Variants in FLT4 observed in about 807,000 individuals in gnomAD.
FLT4 encodes fms related receptor tyrosine kinase 4.
Under a neutral mutation model 163.2 loss-of-function variants are expected in FLT4, and 30 were observed. The observed-to-expected ratio is 0.18, with a 90% CI of 0.14 to 0.25. The LOEUF (loss-of-function observed/expected upper bound fraction) is 0.25, where lower values mean the gene tolerates loss of function less well. FLT4 is among the 10% of genes least tolerant of loss of function. The pLI is 1.00. For synonymous variants in FLT4, 884 were observed against 789.5 expected (o/e 1.12, Z -2.01); for missense variants, 1,510 against 1,863.8 (o/e 0.81, Z 3.50).
chr5:180,631,812 G>T (rs1382644137), intron 1 of FLT4, 34 bp from the exon 2 acceptor site: 2 of 1,479,006 alleles, frequency 1.4e-6, no homozygotes, highest in Non-Finnish European at 1.9e-6. Context: ...GTGGTGCTGG[G>T]CTGTGACTTG....
intron 1 of FLT4, among the ~76,000 whole-genome samples, chr5:180,641,941 G>C (rs1450203620): frequency 6.6e-6 from 1 of 152,324 alleles, no homozygotes; most frequent in African/African-American, 2.4e-5. Flanking sequence ...GGGCACAGTG[G>C]CTCACGCCTG....
At position 180,636,276 on chromosome 5, in the gene FLT4, C is replaced by T. The variant is rs995686424; in HGVS notation, c.59-4498G>A. Among the ~76,000 whole-genome samples, 9 of 152,092 alleles carry T rather than the reference C, an allele frequency of 5.9e-5. No homozygotes were observed. In the South Asian group the frequency reaches 1.2e-3, roughly 21 times the overall value. On this transcript the variant is annotated intron_variant, in intron 1 of 29. Coordinates refer to ENST00000261937, the MANE Select transcript of FLT4 (RefSeq NM_182925.5). The surrounding 1 kb of genome is among the most constrained non-coding windows in gnomAD (Gnocchi z 4.3). ...AACCTTCCACTGTGCCCTGTGTGATCGGCAAACTTTGCTGTAGACCTCACT... is the reference window on the plus strand; with the variant it reads ...AACCTTCCACTGTGCCCTGTGTGATTGGCAAACTTTGCTGTAGACCTCACT...
chr5:180,627,344 G>A (rs557438375), intron 8 of FLT4, among the ~76,000 whole-genome samples: 26 of 152,306 alleles, frequency 1.7e-4, no homozygotes, highest in Admixed American at 9.8e-4. Flanking sequence ...AGTGAGGCAG[G>A]GCAGGGCAGG....
rs1561693357 is a variant in FLT4, at chr5:180,610,114, C to G, written c.3687-89G>C. On this transcript the variant is annotated intron_variant, in intron 27 of 29. Coordinates refer to ENST00000261937, the MANE Select transcript of FLT4 (RefSeq NM_182925.5). ...CACTGTCCCTGTGCCCCCTCTTCTC[C>G]TGGAAAGGACCCCCCGCCTGGGGCA... 1.9e-6 allele frequency: 3 copies of G among 1,589,378 alleles called. No homozygotes were observed. The East Asian group carries it at 6.7e-5, about 36-fold the overall frequency.
At chr5:180,629,601 G>A (rs1256346081) in intron 6 of FLT4, 95 bp downstream of exon 6, 8 of 1,506,198 alleles carry the variant, frequency 5.3e-6, no homozygotes, top group African/African-American at 1.4e-5. Flanking sequence ...GGGCAGGCCT[G>A]GGCCCACACA....
chr5:180,629,604 C>T (rs1051216979), intron 6 of FLT4, 92 bp downstream of exon 6: 29 of 1,509,836 alleles, frequency 1.9e-5, no homozygotes, highest in African/African-American at 2.7e-5. Flanking sequence ...CAGGCCTGGG[C>T]CCACACATCC....
chr5:180,603,206 C>T lies in FLT4; in HGVS notation c.4078G>A (p.Asp1360Asn). 1 of 1,613,998 alleles carries T rather than the reference C, an allele frequency of 6.2e-7. No homozygotes were observed. Among genetic ancestry groups the T allele is most frequent in the Non-Finnish European group, 8.5e-7 (1 of 1,180,044 alleles). The change falls in exon 30 of 30, where the codon GAC becomes AAC. Residue 1360 changes from aspartate (D) to asparagine (N), a missense_variant. Coordinates refer to ENST00000261937, the MANE Select transcript of FLT4 (RefSeq NM_182925.5). ...SPSARVTFFT[D>N]NSY ...TCCGATGCTGCTTAGTAGCTGTTGT[C>T]TGTGAAGAAAGTCACGCGGGCAGAC...
intron 7 of FLT4, 41 bp from the exon 8 acceptor site, chr5:180,629,040 C>T (rs369856864): frequency 6.8e-5 from 105 of 1,544,328 alleles, no homozygotes; most frequent in Non-Finnish European, 6.3e-5. Flanking sequence ...AGGACTGACC[C>T]GTCGTGGACT....
chr5:180,637,679 T>A (rs1764792265), intron 1 of FLT4, among the ~76,000 whole-genome samples: 1 of 152,138 alleles, frequency 6.6e-6, no homozygotes, highest in South Asian at 2.1e-4. Context: ...ATTACAGGCA[T>A]GCGCCATCAC....
At chr5:180,610,853 C>T (rs528539137) in intron 27 of FLT4, among the ~76,000 whole-genome samples, 110 of 152,264 alleles carry the variant, frequency 7.2e-4, no homozygotes, top group African/African-American at 2.4e-3. Flanking sequence ...GTCAGGAGAT[C>T]GAGACCATCC....
At chr5:180,615,232 C>T (rs1325214849) in intron 23 of FLT4, among the ~76,000 whole-genome samples, 3 of 102,002 alleles carry the variant, frequency 2.9e-5, no homozygotes, top group Non-Finnish European at 6.4e-5. Flanking sequence ...TTTTGGAGCA[C>T]TGGGCCCCGC....
rs1277865618 is a variant in FLT4, at chr5:180,611,388, G to A, written c.3629C>T (p.Ala1210Val). 2 of 1,613,974 alleles carry A rather than the reference G, an allele frequency of 1.2e-6. No homozygotes were observed. Among genetic ancestry groups the A allele is most frequent in the Non-Finnish European group, 1.7e-6 (2 of 1,180,014 alleles). The stretch of plus-strand genomic sequence containing the variant: ...CGGGCTGTCCTCAGCGTCAGCCTGG[G>A]CGATGTGTAGGGCCATGGTGGACAC... ...SQVSTMALHI[A>V]QADAEDSPPS... The change falls in exon 27 of 30, where the codon GCC (alanine) becomes GTC (valine). Residue 1210 changes from alanine to valine, a missense_variant. Physicochemically the swap from Ala to Val is moderately conservative, Grantham distance 64. Coordinates refer to ENST00000261937, the MANE Select transcript of FLT4 (RefSeq NM_182925.5).
Position 180,603,265 on chromosome 5 carries a change from A to G in FLT4, c.4019T>C (p.Leu1340Pro), listed in dbSNP as rs1761606588. 6.2e-7 allele frequency: 1 copy of G among 1,614,042 alleles called. No homozygotes were observed. The highest frequency in any genetic ancestry group is 1.7e-5 in the Admixed American group (1 of 60,016). The change falls in exon 30 of 30, where the codon CTG becomes CCG. Residue 1340 changes from leucine (L) to proline (P), a missense_variant. Physicochemically the swap from Leu to Pro is moderately conservative, Grantham distance 98. Around this residue, in one of 5 missense-constraint regions of FLT4, gnomAD observed 295 missense variants for 311.0 expected, o/e 0.95. Coordinates refer to ENST00000261937, the MANE Select transcript of FLT4 (RefSeq NM_182925.5). ...GTGGTCCTCCTCGCTTGGCTCCGAC[A>G]GCTCCCCATACTCGCTGTTGTAAAA... ...QVFYNSEYGE[L>P]SEPSEEDHCS...
intron 1 of FLT4, among the ~76,000 whole-genome samples, chr5:180,637,404 C>T (rs1006204935): frequency 6.6e-6 from 1 of 152,128 alleles, no homozygotes; most frequent in Non-Finnish European, 1.5e-5. Context: ...CACTGCCAGC[C>T]AGGGCCTCAG....
chr5:180,609,291 A>C (rs1761993841), intron 28 of FLT4: 1 of 581,506 alleles, frequency 1.7e-6, no homozygotes, highest in Non-Finnish European at 3.1e-6. Flanking sequence ...GACGCCTCAT[A>C]CTTGGGGACC....
intron 1 of FLT4, among the ~76,000 whole-genome samples, chr5:180,634,771 T>A (rs1764428034): frequency 1.8e-5 from 2 of 110,384 alleles, no homozygotes; most frequent in African/African-American, 7.6e-5. Context: ...AATCGCCAGA[T>A]GAATAAATGG....
In FLT4 at chr5:180,619,129, C is replaced by A. The variant is rs769420024; in HGVS notation, c.2762-20G>T. 8.8e-6 allele frequency: 13 copies of A among 1,478,646 alleles called. No homozygotes were observed. The highest frequency in any genetic ancestry group is 1.2e-5 in the Non-Finnish European group (13 of 1,112,744). The allele number at this position is 1,478,646 out of a possible 1,614,324, so 91.6% of individuals were successfully genotyped here. A position where few individuals can be genotyped will look rare whatever the true frequency, so the allele number is the denominator to read the frequency against. On this transcript the variant is annotated intron_variant, in intron 19 of 29. Coordinates refer to ENST00000261937, the MANE Select transcript of FLT4 (RefSeq NM_182925.5). ...GGGGGCCTGCGGCGGGACCGGGCGGCGGCCGTGCGTTCGGAACCCGGGGCG... is the reference window on the plus strand; with the variant it reads ...GGGGGCCTGCGGCGGGACCGGGCGGAGGCCGTGCGTTCGGAACCCGGGGCG...
chr5:180,608,931 C>A, intron 29 of FLT4, 37 bp downstream of exon 29: 12 of 1,548,366 alleles, frequency 7.8e-6, no homozygotes, highest in Non-Finnish European at 1.1e-5. Context: ...AGGGCAACAT[C>A]GATACCTGCA....
At chr5:180,614,235 T>C (rs1456667281) in intron 23 of FLT4, 56 bp from the exon 24 acceptor site, 2 of 1,222,430 alleles carry the variant, frequency 1.6e-6, no homozygotes, top group African/African-American at 3.0e-5. Flanking sequence ...GAGGGAAGCG[T>C]GTCCCGTGGT....
Sources: gnomAD v4.1 joint callset for allele counts (sites outside exome capture counted in the v4.1 genomes callset) on GRCh38, gnomAD v4.1.1 for gene constraint, gnomAD v4.1.1 regional missense constraint, Gnocchi (gnomAD v3.1) non-coding constraint, MANE v1.5 for transcripts, NCBI Gene and HGNC (gene_info 2026-07-23, HGNC 2026-07-21) for gene names.